KIAA1755: variants seen among roughly 807,000 people sequenced by gnomAD.
KIAA1755 encodes uncharacterized protein KIAA1755.
KIAA1755 carries 68 observed loss-of-function variants against 91.7 expected under a neutral mutation model. The observed-to-expected ratio is 0.74, with a 90% confidence interval of 0.61 to 0.91. The LOEUF (loss-of-function observed/expected upper bound fraction) is 0.91, where lower values mean the gene tolerates loss of function less well. KIAA1755 is among the 40% of genes least tolerant of loss of function. The probability of loss-of-function intolerance (pLI) is 0.00; values close to 1 mark genes in which losing one functional copy is unlikely to be tolerated. For synonymous variants in KIAA1755, 610 were observed against 604.6 expected (o/e 1.01, Z -0.13); for missense variants, 1,535 against 1,494.4 (o/e 1.03, Z -0.45).
Position 38,239,514 on chromosome 20 carries a change from G to T in KIAA1755, c.1747+14C>A. On this transcript the variant is annotated intron_variant, in intron 4 of 13. Transcript: ENST00000279024. ...GCTCCCTCCCTACCACCTCCTGCTTGAATCCCCTGGAACCTGGCAGGCATG... is the reference window on the plus strand; with the variant it reads ...GCTCCCTCCCTACCACCTCCTGCTTTAATCCCCTGGAACCTGGCAGGCATG... 1.9e-6 allele frequency: 3 copies of T among 1,612,802 alleles called. No homozygotes were observed. The highest frequency in any genetic ancestry group is 1.1e-5 in the South Asian group (1 of 91,008).
rs1047663052 is a variant in KIAA1755 at position 38,228,118 on chromosome 20, T to C, written c.1965+29A>G. 4.5e-6 allele frequency: 7 copies of C among 1,546,630 alleles called. No homozygotes were observed. In the African/African-American group the frequency reaches 9.7e-5, roughly 21 times the overall value. ...GCCCCTGGTGGCTCCCAGGACTTAC[T>C]AGGCTAAGGCTCTCCACCTCCCACT... is the stretch of plus-strand genomic sequence containing the variant. On this transcript the variant is annotated intron_variant, in intron 6 of 13. Coordinates refer to ENST00000279024, the MANE Select transcript of KIAA1755 (RefSeq NM_001029864.2).
chr20:38,238,755 A>C (rs1417490016), intron 4 of KIAA1755, among the ~76,000 whole-genome samples: 3 of 152,240 alleles, frequency 2.0e-5, no homozygotes, highest in Non-Finnish European at 4.4e-5. Context: ...TAAGCCCAGG[A>C]ACCAGTAAAT....
At chr20:38,260,090 C>CT in intron 1 of KIAA1755, 1 of 837,106 alleles carries the variant, frequency 1.2e-6, no homozygotes, top group South Asian at 1.9e-5. Flanking sequence ...TGGGAGGGGA[C>CT]TTTAACCCCC....
chr20:38,228,149 G>A lies in KIAA1755; in HGVS notation c.1963C>T (p.Gln655Ter). 1 of 1,597,944 alleles carries A rather than the reference G, an allele frequency of 6.3e-7. No individual in the cohort carries two copies. The highest frequency in any genetic ancestry group is 8.5e-7 in the Non-Finnish European group (1 of 1,172,798). ...AAGGCTCTCCACCTCCCACTCACCT[G>A]GGTGGCCTGCAGGGCGCTGACCAGA... ...PGLVSALQATQAQVPASIRAI... is the reference protein window; with the variant it reads ...PGLVSALQAT Residue 655 changes from glutamine to a stop codon, truncating the protein, a stop_gained and splice_region_variant, in exon 6 of 14, where the codon CAG becomes TAG. Transcript: ENST00000279024. LOFTEE classifies it high-confidence loss of function.
In KIAA1755 at chr20:38,218,023, C is replaced by T. The variant is rs892748628; in HGVS notation, c.2679+221G>A. ...CCCTGGAAACTGCATTTTAAGAAAC[C>T]CTCTGGGGGATTCAGAATATTCTTT... is the stretch of plus-strand genomic sequence containing the variant. On this transcript the variant is annotated intron_variant, in intron 12 of 13. Coordinates refer to ENST00000279024, the MANE Select transcript of KIAA1755 (RefSeq NM_001029864.2). 2.8e-5 allele frequency: 17 copies of T among 608,240 alleles called. No individual in the cohort carries two copies. In the Admixed American group the frequency reaches 4.5e-4, roughly 16 times the overall value. 37.7% of individuals were successfully genotyped at this position (608,240 alleles called of 1,614,324 possible).
chr20:38,256,118 G>T (rs1259286838), intron 1 of KIAA1755, among the ~76,000 whole-genome samples: 1 of 152,212 alleles, frequency 6.6e-6, no homozygotes, highest in Non-Finnish European at 1.5e-5. Flanking sequence ...TAGCACTGGG[G>T]TATGACCCTG....
chr20:38,253,978 G>C (rs1442383642), intron 1 of KIAA1755, among the ~76,000 whole-genome samples: 1 of 152,174 alleles, frequency 6.6e-6, no homozygotes, highest in Non-Finnish European at 1.5e-5. Flanking sequence ...CTGCCTCCTG[G>C]GTTCAAGCGA....
chr20:38,225,005 T>A (rs2075730902), intron 8 of KIAA1755, among the ~76,000 whole-genome samples: 1 of 152,146 alleles, frequency 6.6e-6, no homozygotes, highest in Non-Finnish European at 1.5e-5. Context: ...ATTTTAAGAT[T>A]CTTTTTGAGA....
chr20:38,225,859 C>T (rs2075748620), intron 7 of KIAA1755, 78 bp from the exon 8 acceptor site: 1 of 767,966 alleles, frequency 1.3e-6, no homozygotes. Context: ...CAGATCCCTG[C>T]CCCAGCACCA....
chr20:38,249,684 T>A (rs1012848129), intron 1 of KIAA1755, among the ~76,000 whole-genome samples: 4 of 151,930 alleles, frequency 2.6e-5, no homozygotes, highest in Non-Finnish European at 5.9e-5. Flanking sequence ...CCGACAGGCA[T>A]CTGGTGCTGA....
Position 38,241,716 on chromosome 20 carries a change from G to T in KIAA1755, c.415C>A (p.Pro139Thr). The change falls in exon 3 of 14, where the codon CCA becomes ACA. Residue 139 changes from proline to threonine, a missense_variant. By Grantham distance (38) the Pro-to-Thr change is conservative (BLOSUM62 -1). Coordinates refer to ENST00000279024, the MANE Select transcript of KIAA1755 (RefSeq NM_001029864.2). ...TGGGTGAAAAGTATAGGGTAGGCTGGCTCTGGAACAGGCTTCTTGTCCACT... is the reference window on the plus strand; with the variant it reads ...TGGGTGAAAAGTATAGGGTAGGCTGTCTCTGGAACAGGCTTCTTGTCCACT... Reference protein sequence around the residue: ...CTVDKKPVPEPAYPILFTQEW... With the variant: ...CTVDKKPVPETAYPILFTQEW... 5 of 1,614,242 alleles carry T rather than the reference G, an allele frequency of 3.1e-6. No individual in the cohort carries two copies. Among genetic ancestry groups the T allele is most frequent in the Non-Finnish European group, 4.2e-6 (5 of 1,180,044 alleles).
chr20:38,259,820 C>CACACA lies in KIAA1755; in HGVS notation c.3+677_3+678insTGTGT, dbSNP rs367702495. On this transcript the variant is annotated intron_variant, in intron 1 of 13. Transcript: ENST00000279024. ...AAACGCATCCCTGCCACCACCACCA[C>CACACA]CACACACACACACACACACACACAC... 1.6e-3 allele frequency among the ~76,000 whole-genome samples: 229 copies of CACACA among 138,796 alleles called. 1 individual carries two copies. The highest frequency in any genetic ancestry group is 6.1e-3 in the African/African-American group (212 of 34,906). The allele number at this position is 138,796 out of a possible 152,430, so 91.1% of individuals were successfully genotyped here. A position where few individuals can be genotyped will look rare whatever the true frequency, so the allele number is the denominator to read the frequency against.
chr20:38,227,148 C>T lies in KIAA1755; in HGVS notation c.2052+6G>A, dbSNP rs2075772121. 3 of 1,611,770 alleles carry T rather than the reference C, an allele frequency of 1.9e-6. No homozygotes were observed. In the African/African-American group the frequency reaches 4.0e-5, roughly 22 times the overall value. ...TCCTCAACCGCCGACCCTGAGTCCC[C>T]CTCACCTGGACGTCAGGTAATGTCT... is the stretch of plus-strand genomic sequence containing the variant. On this transcript the variant is annotated splice_donor_region_variant and intron_variant, in intron 7 of 13. Coordinates refer to ENST00000279024, the MANE Select transcript of KIAA1755 (RefSeq NM_001029864.2).
At position 38,260,598 on chromosome 20, in the gene KIAA1755, C is replaced by T. The variant is rs576514596; in HGVS notation, c.-98G>A. The T allele has an allele frequency of 1.9e-5, 27 of 1,428,700 alleles. No homozygotes were observed. In the South Asian group the frequency reaches 3.5e-4, roughly 18 times the overall value. The allele number at this position is 1,428,700 out of a possible 1,614,324, so 88.5% of individuals were successfully genotyped here. A position where few individuals can be genotyped will look rare whatever the true frequency, so the allele number is the denominator to read the frequency against. ...CTGTCTGGGGCAGCCCTCGGTCCCG[C>T]CTAGCCCTGGAGCCAGGGGATAGGG... On this transcript the variant is annotated 5_prime_UTR_variant, in exon 1 of 14. Transcript: ENST00000279024.
intron 5 of KIAA1755, among the ~76,000 whole-genome samples, chr20:38,230,654 C>G (rs914079923): frequency 6.6e-6 from 1 of 152,134 alleles, no homozygotes; most frequent in Non-Finnish European, 1.5e-5. Context: ...TTTGGGAGGC[C>G]GAGGTGGGTG....
At chr20:38,258,839 C>G (rs1000037098) in intron 1 of KIAA1755, among the ~76,000 whole-genome samples, 62 of 152,206 alleles carry the variant, frequency 4.1e-4, no homozygotes, top group Non-Finnish European at 5.9e-5. Flanking sequence ...TGTTCCCAAT[C>G]TGGAAAGAGT....
At chr20:38,243,126 G>A (rs1414946411) in intron 2 of KIAA1755, among the ~76,000 whole-genome samples, 1 of 152,232 alleles carries the variant, frequency 6.6e-6, no homozygotes, top group Non-Finnish European at 1.5e-5. Flanking sequence ...TGGAAAAAGA[G>A]TCTGAGTTCT....
At chr20:38,231,963 G>A (rs185390280) in intron 4 of KIAA1755, among the ~76,000 whole-genome samples, 4 of 152,300 alleles carry the variant, frequency 2.6e-5, no homozygotes, top group East Asian at 3.9e-4. Flanking sequence ...GAATCTGGGC[G>A]GTGTGCCTCA....
At chr20:38,254,104 A>C (rs7270373) in intron 1 of KIAA1755, among the ~76,000 whole-genome samples, 31,355 of 152,066 alleles carry the variant, frequency 0.21, 4,752 homozygotes, top group African/African-American at 0.43. Context: ...AGGCTGGTCT[A>C]AAACTCCTGA....
Sources: gnomAD v4.1 joint callset for allele counts (sites outside exome capture counted in the v4.1 genomes callset) on GRCh38, gnomAD v4.1.1 for gene constraint, MANE v1.5 for transcripts, NCBI Gene and HGNC (gene_info 2026-07-23, HGNC 2026-07-21) for gene names.